ARHGAP39: variants seen among roughly 807,000 people sequenced by gnomAD.
ARHGAP39 encodes the protein rho GTPase-activating protein 39.
Under a neutral mutation model 106.9 loss-of-function variants are expected in ARHGAP39, and 44 were observed. That is an observed-to-expected ratio of 0.41 (90% CI 0.32 to 0.53). The LOEUF (loss-of-function observed/expected upper bound fraction) is 0.53, where lower values mean the gene tolerates loss of function less well. Among genes scored for constraint, ARHGAP39 ranks in the 20% least tolerant of loss-of-function variants. The pLI is 0.21. For missense variants in ARHGAP39, 1,496 were observed against 1,577.3 expected (o/e 0.95, Z 0.87); for synonymous variants, 768 against 693.2 (o/e 1.11, Z -1.69).
In ARHGAP39 at chr8:144,679,689, T is replaced by C. The variant is rs993730486; in HGVS notation, c.-82+5997A>G. On this transcript the variant is annotated intron_variant, in intron 1 of 11. Transcript: ENST00000377307. This position sits in a 1 kb window ranked among gnomAD's most constrained non-coding sequence, Gnocchi z 4.7. ...CGGTGGCTCCCGGTTAGCTAGAAAATTAAAATCTAGGCCGGGCGCAGTGTC... is the reference window on the plus strand; with the variant it reads ...CGGTGGCTCCCGGTTAGCTAGAAAACTAAAATCTAGGCCGGGCGCAGTGTC... 1.3e-5 allele frequency among the ~76,000 whole-genome samples: 2 copies of C among 152,076 alleles called. No individual in the cohort carries two copies. The highest frequency in any genetic ancestry group is 2.9e-5 in the Non-Finnish European group (2 of 68,020).
At chr8:144,530,664 G>GGGGGA in intron 11 of ARHGAP39, 38 bp downstream of exon 11, 1 of 1,138,544 alleles carries the variant, frequency 8.8e-7, no homozygotes, top group Non-Finnish European at 1.3e-6. Flanking sequence ...GCGGGGCGGG[G>GGGGGA]AGGGGAAAGC....
intron 2 of ARHGAP39, 69 bp downstream of exon 2, chr8:144,605,466 C>T: frequency 6.6e-7 from 1 of 1,505,776 alleles, no homozygotes; most frequent in Non-Finnish European, 9.2e-7. Flanking sequence ...ACTGCTTTCT[C>T]TGCAGGAAGA....
rs1816761418 is a variant in ARHGAP39 at position 144,532,360 on chromosome 8, C to T, written c.2925G>A (p.Lys975=). 2 of 1,612,968 alleles carry T rather than the reference C, an allele frequency of 1.2e-6. No homozygotes were observed. Among genetic ancestry groups the T allele is most frequent in the Non-Finnish European group, 1.7e-6 (2 of 1,179,754 alleles). The change falls in exon 10 of 12, where the codon AAG becomes AAA. Residue 975 remains lysine (K), a synonymous_variant. Transcript: ENST00000377307. The stretch of plus-strand genomic sequence containing the variant: ...GCACCTTCCACTGGTCCACCTGCAG[C>T]TTCAGGGCATTCACCTCGTCAATGT... ...PGDIDEVNAL[K]LQVDQWKVPT...
chr8:144,615,354 T>A (rs1820606638), intron 1 of ARHGAP39, among the ~76,000 whole-genome samples: 1 of 152,068 alleles, frequency 6.6e-6, no homozygotes, highest in African/African-American at 2.4e-5. Context: ...AGTCTGTATC[T>A]TACAGAAAAG....
the ARHGAP39 span, among the ~76,000 whole-genome samples, chr8:144,693,678 G>C: frequency 6.6e-6 from 1 of 152,178 alleles, no homozygotes. Flanking sequence ...CAGCCGCCTG[G>C]CCGTAAAATT....
chr8:144,530,664 G>GGGGGGGGGGT, intron 11 of ARHGAP39, 38 bp downstream of exon 11: 1 of 1,138,542 alleles, frequency 8.8e-7, no homozygotes, highest in South Asian at 1.3e-5. Flanking sequence ...GCGGGGCGGG[G>GGGGGGGGGGT]AGGGGAAAGC....
intron 1 of ARHGAP39, among the ~76,000 whole-genome samples, chr8:144,655,721 C>T (rs1821676999): frequency 6.6e-6 from 1 of 152,288 alleles, no homozygotes; most frequent in East Asian, 1.9e-4. Context: ...TGTCTGCATA[C>T]CTCATTCTTC....
chr8:144,590,696 T>G (rs1819358131), intron 2 of ARHGAP39, among the ~76,000 whole-genome samples: 2 of 152,140 alleles, frequency 1.3e-5, no homozygotes, highest in African/African-American at 2.4e-5. Context: ...GCGGTCACCA[T>G]GTGACATCTC....
intron 8 of ARHGAP39, 82 bp downstream of exon 8, chr8:144,534,047 T>C: frequency 1.3e-6 from 2 of 1,509,814 alleles, no homozygotes; most frequent in Non-Finnish European, 1.8e-6. Flanking sequence ...CATACCAAAC[T>C]GCAGGCGGGG....
chr8:144,688,105 C>CTTT (rs201473241), upstream of ARHGAP39, among the ~76,000 whole-genome samples: 9 of 140,254 alleles, frequency 6.4e-5, no homozygotes, highest in African/African-American at 2.1e-4. Context: ...ACATTTAACT[C>CTTT]TTTTTTTTTT....
At chr8:144,534,286 G>C in intron 7 of ARHGAP39, 84 bp from the exon 8 acceptor site, 1 of 1,504,580 alleles carries the variant, frequency 6.6e-7, no homozygotes, top group Non-Finnish European at 9.2e-7. Context: ...CAGCTCCTTC[G>C]AGGGCCCTGG....
chr8:144,690,936 G>A, the ARHGAP39 span, among the ~76,000 whole-genome samples: 10 of 152,056 alleles, frequency 6.6e-5, no homozygotes, highest in African/African-American at 2.4e-4. Context: ...GGGATTACAG[G>A]CATGAGCCAC....
At chr8:144,674,647 G>C (rs1449004106) in intron 1 of ARHGAP39, among the ~76,000 whole-genome samples, 2 of 152,168 alleles carry the variant, frequency 1.3e-5, no homozygotes, top group African/African-American at 4.8e-5. Context: ...CCAGGAGCCT[G>C]TCTGCCTCCT....
rs1363021514 is a variant in ARHGAP39 at position 144,529,716 on chromosome 8, G to T, written c.*706C>A. The T allele has an allele frequency of 6.6e-6, 1 of 152,222 alleles. No homozygotes were observed. The highest frequency in any genetic ancestry group is 6.5e-5 in the Admixed American group (1 of 15,292). The allele number at this position is 152,222 out of a possible 1,614,324, so 9.4% of individuals were successfully genotyped here. A position where few individuals can be genotyped will look rare whatever the true frequency, so the allele number is the denominator to read the frequency against. On this transcript the variant is annotated 3_prime_UTR_variant, in exon 12 of 12. Coordinates refer to ENST00000377307, the MANE Select transcript of ARHGAP39 (RefSeq NM_025251.3). ...TCTATTTATATCTCTATACACGGTGGGCTGCGATGCAGGATAGATTCTGGA... is the reference window on the plus strand; with the variant it reads ...TCTATTTATATCTCTATACACGGTGTGCTGCGATGCAGGATAGATTCTGGA...
intron 2 of ARHGAP39, among the ~76,000 whole-genome samples, chr8:144,600,290 CTGCGTG>C (rs1226699625): frequency 6.4e-5 from 9 of 141,410 alleles, no homozygotes; most frequent in African/African-American, 2.1e-4. Flanking sequence ...CTGTACCCAC[CTGCGTG>C]TGCGTGTGCA....
chr8:144,620,883 G>A (rs549451602), intron 1 of ARHGAP39, among the ~76,000 whole-genome samples: 2 of 152,386 alleles, frequency 1.3e-5, no homozygotes, highest in African/African-American at 4.8e-5. Flanking sequence ...TCCTGAGGTG[G>A]CCACTGTGCC....
intron 1 of ARHGAP39, among the ~76,000 whole-genome samples, chr8:144,662,686 T>TC (rs991362176): frequency 2.2e-5 from 3 of 137,666 alleles, no homozygotes; most frequent in Non-Finnish European, 4.6e-5. Flanking sequence ...TTTGGACTGC[T>TC]CCCCACTCCC....
chr8:144,688,267 C>T (rs757776244), upstream of ARHGAP39, among the ~76,000 whole-genome samples: 1 of 152,026 alleles, frequency 6.6e-6, no homozygotes, highest in Non-Finnish European at 1.5e-5. Context: ...CAACTCCTGG[C>T]TAATTTTTTG....
At chr8:144,584,532 G>C (rs1283250349) in intron 2 of ARHGAP39, among the ~76,000 whole-genome samples, 3 of 152,138 alleles carry the variant, frequency 2.0e-5, no homozygotes, top group Non-Finnish European at 4.4e-5. Context: ...GGAGTCCCAG[G>C]CAGGTGGATC....
Sources: allele counts gnomAD v4.1 joint callset (sites outside exome capture counted in the v4.1 genomes callset), GRCh38; gene constraint gnomAD v4.1.1; non-coding constraint Gnocchi (gnomAD v3.1); transcripts MANE v1.5; gene names NCBI Gene and HGNC (gene_info 2026-07-23, HGNC 2026-07-21).